Variants in ZNF613 observed in about 807,000 individuals in gnomAD.
ZNF613 encodes the protein zinc finger protein 613.
A neutral mutation model predicts 14.3 loss-of-function variants in ZNF613; 8 were observed. The observed-to-expected ratio is 0.56, with a 90% CI of 0.33 to 1.01. The LOEUF is 1.01. Among genes scored for constraint, ZNF613 ranks in the 50% least tolerant of loss-of-function variants. The pLI, the probability that ZNF613 is intolerant of heterozygous loss-of-function variation, is 0.03. For synonymous variants in ZNF613, 228 were observed against 254.5 expected, an observed-to-expected ratio of 0.90 and a Z score of 0.99; for missense variants, 656 against 741.9, an observed-to-expected ratio of 0.88 and a Z score of 1.35.
At chr19:51,932,188 A>G (rs910629526) in intron 2 of ZNF613, among the ~76,000 whole-genome samples, 5 of 152,084 alleles carry the variant, frequency 3.3e-5, no homozygotes, top group African/African-American at 1.2e-4. Flanking sequence ...CAGGTACAGA[A>G]GCGAGTTTGC....
Position 51,940,293 on chromosome 19 carries a change from C to T in ZNF613, c.100C>T (p.Arg34Ter), listed in dbSNP as rs200180253. The change falls in exon 4 of 6, where the codon CGA (arginine) becomes TGA (stop). Residue 34 changes from arginine to a stop codon, truncating the protein, a stop_gained. Coordinates refer to ENST00000293471, the MANE Select transcript of ZNF613 (RefSeq NM_001031721.4). LOFTEE classifies it high-confidence loss of function. The part of the protein sequence containing the change: ...LLGPAQKDLY[R>*]DVMLENYSNL... ...CGGCCCTGCTCAGAAGGACCTGTAC[C>T]GAGACGTGATGTTGGAGAACTATAG... 49 of 1,613,520 alleles carry T rather than the reference C, an allele frequency of 3.0e-5. No homozygotes were observed. Among genetic ancestry groups the T allele is most frequent in the Non-Finnish European group, 3.8e-5 (45 of 1,179,788 alleles).
chr19:51,932,879 TTGCCC>T (rs1236331428), intron 2 of ZNF613, among the ~76,000 whole-genome samples: 1 of 152,124 alleles, frequency 6.6e-6, no homozygotes, highest in African/African-American at 2.4e-5. Flanking sequence ...TTTCCTCATG[TTGCCC>T]TGGCTGGTCA....
rs140416846 is a variant in ZNF613 at position 51,944,588 on chromosome 19, T to G, written c.705T>G (p.Ser235Arg). 556 of 1,614,010 alleles carry G rather than the reference T, an allele frequency of 3.4e-4. 3 individuals are homozygous for G. The African/African-American group carries it at 6.3e-3, about 18-fold the overall frequency. ...VHTGEKPHGC[S>R]ICGKAFSRKS... The stretch of plus-strand genomic sequence containing the variant: ...CTGGGGAGAAACCTCATGGATGCAG[T>G]ATATGTGGGAAAGCCTTCTCCAGAA... Residue 235 changes from serine to arginine, a missense_variant, in exon 6 of 6, where the codon AGT (serine) becomes AGG (arginine). Physicochemically the swap from Ser to Arg is moderately radical, Grantham distance 110. Transcript: ENST00000293471.
intron 2 of ZNF613, among the ~76,000 whole-genome samples, chr19:51,931,126 T>G (rs1191321211): frequency 6.6e-6 from 1 of 152,220 alleles, no homozygotes; most frequent in Non-Finnish European, 1.5e-5. Flanking sequence ...TTTCTGGATG[T>G]GTGTACTTCT....
chr19:51,931,344 C>A (rs2085262449), intron 2 of ZNF613, among the ~76,000 whole-genome samples: 1 of 152,168 alleles, frequency 6.6e-6, no homozygotes, highest in Non-Finnish European at 1.5e-5. Context: ...GGAATGCTTG[C>A]AACTTTTAGA....
chr19:51,940,473 T>C (rs1216291690), intron 4 of ZNF613, 138 bp downstream of exon 4: 8 of 1,513,926 alleles, frequency 5.3e-6, no homozygotes, highest in East Asian at 2.3e-5. Flanking sequence ...GATAAAAGAG[T>C]GTAATGTGCC....
intron 2 of ZNF613, among the ~76,000 whole-genome samples, chr19:51,932,684 T>C (rs1219158118): frequency 7.5e-6 from 1 of 132,538 alleles, no homozygotes; most frequent in Non-Finnish European, 1.5e-5. Flanking sequence ...GACATTTTCT[T>C]TTTTTTTTTG....
At chr19:51,930,962 G>A (rs1014521980) in intron 2 of ZNF613, among the ~76,000 whole-genome samples, 1 of 152,170 alleles carries the variant, frequency 6.6e-6, no homozygotes, top group Non-Finnish European at 1.5e-5. Context: ...AGGCATTCTA[G>A]TGGGTGTTAG....
intron 2 of ZNF613, 138 bp downstream of exon 2, chr19:51,930,034 C>A (rs1191977512): frequency 6.6e-6 from 1 of 152,100 alleles, no homozygotes; most frequent in Non-Finnish European, 1.5e-5. Context: ...CTATGTGCGG[C>A]CATCACCAAA....
At chr19:51,927,636 G>A in intron 1 of ZNF613, 96 bp downstream of exon 1, 1 of 153,298 alleles carries the variant, frequency 6.5e-6, no homozygotes, top group Non-Finnish European at 1.5e-5. Flanking sequence ...GGAAGCGGGA[G>A]CAAGTGGGAG....
intron 3 of ZNF613, among the ~76,000 whole-genome samples, chr19:51,938,716 A>G (rs927455688): frequency 1.5e-5 from 2 of 136,618 alleles, no homozygotes; most frequent in African/African-American, 5.7e-5. Flanking sequence ...AAGTATATAA[A>G]TGTACATGGA....
chr19:51,938,326 C>T (rs568329724), intron 3 of ZNF613, among the ~76,000 whole-genome samples: 1 of 151,878 alleles, frequency 6.6e-6, no homozygotes, highest in Admixed American at 6.6e-5. Flanking sequence ...GGCTGGAGTG[C>T]AGTGGTGTGA....
chr19:51,941,294 T>C (rs953327340), intron 5 of ZNF613, among the ~76,000 whole-genome samples: 2 of 152,174 alleles, frequency 1.3e-5, no homozygotes, highest in East Asian at 3.9e-4. Context: ...CTTTTTAGGA[T>C]TCTCAAATCT....
rs1439503540 is a variant in ZNF613 at position 51,936,188 on chromosome 19, T to A, written c.-33T>A. 6.2e-7 allele frequency: 1 copy of A among 1,601,712 alleles called. No individual in the cohort carries two copies. The highest frequency in any genetic ancestry group is 2.3e-5 in the East Asian group (1 of 44,426). On this transcript the variant is annotated 5_prime_UTR_variant, in exon 3 of 6. Coordinates refer to ENST00000293471, the MANE Select transcript of ZNF613 (RefSeq NM_001031721.4). ...AGGAGAGACTACAGACACAGCATCC[T>A]ACTTACTGGCTATTTCCCAGTAACA...
At chr19:51,941,370 T>C (rs1378616933) in intron 5 of ZNF613, among the ~76,000 whole-genome samples, 1 of 152,204 alleles carries the variant, frequency 6.6e-6, no homozygotes, top group Non-Finnish European at 1.5e-5. Context: ...GCTATGAAAT[T>C]CCTCCTTCCA....
chr19:51,934,067 G>C (rs1480279123), intron 2 of ZNF613, among the ~76,000 whole-genome samples: 1 of 152,162 alleles, frequency 6.6e-6, no homozygotes, highest in Non-Finnish European at 1.5e-5. Context: ...CCAAAGTGCT[G>C]GGATTATAGG....
chr19:51,944,057 CTGTT>C (rs1005526993), intron 5 of ZNF613, 58 bp from the exon 6 acceptor site: 25 of 1,417,118 alleles, frequency 1.8e-5, no homozygotes, highest in African/African-American at 1.6e-4. Flanking sequence ...CTGTACAAGA[CTGTT>C]TGTGAAATAG....
chr19:51,937,962 C>G (rs2085317696), intron 3 of ZNF613, among the ~76,000 whole-genome samples: 2 of 151,906 alleles, frequency 1.3e-5, no homozygotes, highest in African/African-American at 2.4e-5. Context: ...AACTCCTGAC[C>G]TCAAATGATC....
chr19:51,945,769 C>G lies in ZNF613; in HGVS notation c.*32C>G. 1 of 1,608,510 alleles carries G rather than the reference C, an allele frequency of 6.2e-7. No individual in the cohort carries two copies. The highest frequency in any genetic ancestry group is 8.5e-7 in the Non-Finnish European group (1 of 1,175,964). ...TATGAATGCAGTGAATGTGGTAGTG[C>G]TTTCAGTGATCAATTACATCATATG... On this transcript the variant is annotated 3_prime_UTR_variant, in exon 6 of 6. Transcript: ENST00000293471.
Sources: gnomAD v4.1 joint callset for allele counts (sites outside exome capture counted in the v4.1 genomes callset) on GRCh38, gnomAD v4.1.1 for gene constraint, MANE v1.5 for transcripts, NCBI Gene and HGNC (gene_info 2026-07-23, HGNC 2026-07-21) for gene names.